SLC29A3: variants seen among roughly 807,000 people sequenced by gnomAD.
The protein encoded by SLC29A3 is solute carrier family 29 member 3, also known as equilibrative nucleoside transporter 3.
In SLC29A3, 18 loss-of-function variants were observed where a neutral mutation model predicts 25.4. The ratio of observed to expected loss-of-function variants is 0.71; its 90% CI spans 0.49 to 1.05. The LOEUF is 1.05. Ranked by LOEUF, SLC29A3 falls within the 50% of genes least tolerant of loss-of-function variation. The pLI, the probability that SLC29A3 is intolerant of heterozygous loss-of-function variation, is 0.00. For missense variants in SLC29A3, 586 were observed against 609.0 expected, an observed-to-expected ratio of 0.96 and a Z score of 0.40; for synonymous variants, 258 against 267.1, an observed-to-expected ratio of 0.97 and a Z score of 0.33.
At position 71,362,397 on chromosome 10, in the gene SLC29A3, CTG is replaced by C. The variant is rs1228555260; in HGVS notation, c.1220_1221del (p.Val407GlyfsTer32). The C allele has an allele frequency of 6.2e-7, 1 of 1,614,198 alleles. No homozygotes were observed. Among genetic ancestry groups the C allele is most frequent in the Non-Finnish European group, 8.5e-7 (1 of 1,180,040 alleles). ...TACCAGCCCCGCGTCCACCTGAAGA[CTG>C]TGGTCTTCCAGTCCGATGTGTACCC... On this transcript the variant is annotated frameshift_variant, in exon 6 of 6. Coordinates refer to ENST00000373189, the MANE Select transcript of SLC29A3 (RefSeq NM_018344.6). LOFTEE classifies it high-confidence loss of function.
At chr10:71,324,410 T>TG (rs1845920296) in intron 2 of SLC29A3, among the ~76,000 whole-genome samples, 2 of 152,248 alleles carry the variant, frequency 1.3e-5, no homozygotes, top group South Asian at 4.2e-4. Flanking sequence ...TTTTGGTATA[T>TG]GGGGGGATCC....
chr10:71,338,620 G>C (rs1352067078), intron 2 of SLC29A3, among the ~76,000 whole-genome samples: 2 of 152,104 alleles, frequency 1.3e-5, no homozygotes, highest in African/African-American at 4.8e-5. Flanking sequence ...AGCTGCGTGT[G>C]GTATTGTACG....
At chr10:71,334,657 A>G (rs1345226009) in intron 2 of SLC29A3, among the ~76,000 whole-genome samples, 2 of 152,198 alleles carry the variant, frequency 1.3e-5, no homozygotes, top group Admixed American at 1.3e-4. Context: ...GAGAGGAGAC[A>G]GGGACAGGAG....
rs1847081573 is a variant in SLC29A3 at position 71,362,272 on chromosome 10, G to C, written c.1092G>C (p.Gln364His). ...LYNFADLCGR[Q>H]LTAWIQVPGP... is the part of the protein sequence containing the mutation. ...ACTTTGCTGACCTATGTGGCCGGCA[G>C]CTCACCGCCTGGATCCAGGTGCCAG... The change falls in exon 6 of 6, where the codon CAG becomes CAC. Residue 364 changes from glutamine (Q) to histidine (H), a missense_variant. Transcript: ENST00000373189. 1 of 1,614,168 alleles carries C rather than the reference G, an allele frequency of 6.2e-7. No homozygotes were observed. Among genetic ancestry groups the C allele is most frequent in the Non-Finnish European group, 8.5e-7 (1 of 1,180,036 alleles).
chr10:71,374,696 C>G (rs1330263552), intron 3 of SLC29A3, among the ~76,000 whole-genome samples: 1 of 152,240 alleles, frequency 6.6e-6, no homozygotes, highest in Non-Finnish European at 1.5e-5. Context: ...AGCGACTTCA[C>G]CACTTTGAGT....
chr10:71,363,953 C>T (rs970730701), downstream of SLC29A3, among the ~76,000 whole-genome samples: 4 of 151,826 alleles, frequency 2.6e-5, no homozygotes, highest in African/African-American at 9.7e-5. Flanking sequence ...TATCTAAAAA[C>T]TAGTAATAGG....
At chr10:71,324,924 C>T (rs906538026) in intron 2 of SLC29A3, among the ~76,000 whole-genome samples, 25 of 152,164 alleles carry the variant, frequency 1.6e-4, no homozygotes, top group East Asian at 7.7e-4. Context: ...AGGAGCCTGA[C>T]GAAAGTTAGG....
intron 3 of SLC29A3, among the ~76,000 whole-genome samples, chr10:71,349,089 T>C (rs1045209504): frequency 6.6e-6 from 1 of 152,020 alleles, no homozygotes; most frequent in African/African-American, 2.4e-5. Flanking sequence ...CCCAGGTAAG[T>C]AACACCACTC....
At chr10:71,343,843 C>T (rs1846482775) in intron 2 of SLC29A3, among the ~76,000 whole-genome samples, 1 of 152,150 alleles carries the variant, frequency 6.6e-6, no homozygotes, top group East Asian at 1.9e-4. Context: ...GCCAAGAAGG[C>T]TGATAGGTCA....
chr10:71,367,198 G>A (rs758642408), downstream of SLC29A3, among the ~76,000 whole-genome samples: 3 of 64,282 alleles, frequency 4.7e-5, no homozygotes, highest in Non-Finnish European at 1.6e-4. Context: ...GGGGCCAGCC[G>A]TGGTGATGGT....
intron 2 of SLC29A3, among the ~76,000 whole-genome samples, chr10:71,325,909 T>A (rs973909771): frequency 1.4e-5 from 2 of 145,432 alleles, no homozygotes; most frequent in Non-Finnish European, 3.0e-5. Flanking sequence ...CTGGACTATA[T>A]TAGTACTTTT....
intron 2 of SLC29A3, among the ~76,000 whole-genome samples, chr10:71,335,028 A>G (rs1423304383): frequency 6.7e-6 from 1 of 148,608 alleles, no homozygotes; most frequent in East Asian, 2.0e-4. Context: ...TTGAGCACAT[A>G]CAAGCTGCTT....
Position 71,362,709 on chromosome 10 carries a change from G to T in SLC29A3, c.*101G>T, listed in dbSNP as rs576396580. The T allele has an allele frequency of 1.8e-4, 271 of 1,514,376 alleles. 2 individuals are homozygous for T. The African/African-American group carries it at 2.3e-3, about 13-fold the overall frequency. 93.8% of individuals were successfully genotyped at this position (1,514,376 alleles called of 1,614,324 possible). On this transcript the variant is annotated 3_prime_UTR_variant, in exon 6 of 6. Transcript: ENST00000373189. ...GGAGGAAAGGCCTAAAGTTTCACTT[G>T]GGGACAGAGAGCAGAGCACACTCGG...
rs1846450320 is a variant in SLC29A3 at position 71,342,917 on chromosome 10, G to T, written c.301-1292G>T. Among the ~76,000 whole-genome samples, 4 of 152,352 alleles carry T rather than the reference G, an allele frequency of 2.6e-5. No individual in the cohort carries two copies. In the South Asian group the frequency reaches 6.2e-4, roughly 24 times the overall value. On this transcript the variant is annotated intron_variant, in intron 2 of 5. Transcript: ENST00000373189. ...GATTTCAAAGACCACAAAGCACTCT[G>T]CAGGCTTCAAAGGGAACTATGGAAG...
chr10:71,322,072 A>G (rs531164845), intron 1 of SLC29A3, among the ~76,000 whole-genome samples: 2 of 152,312 alleles, frequency 1.3e-5, no homozygotes, highest in East Asian at 3.9e-4. Flanking sequence ...AACCGGTAAT[A>G]AACTAGTCAC....
intron 3 of SLC29A3, among the ~76,000 whole-genome samples, chr10:71,344,560 G>A (rs1284916258): frequency 2.0e-5 from 3 of 152,206 alleles, no homozygotes; most frequent in East Asian, 3.9e-4. Context: ...TGGGGATGCA[G>A]GGGTCTTCCT....
In SLC29A3 at chr10:71,351,684, T is replaced by C. The variant is rs139333654; in HGVS notation, c.506T>C (p.Ile169Thr). ...ACCCGTGGCTTTTTTGCGGTCACCA[T>C]TGTCTGCATGGTGATCCTCAGCGGT... ...SWTRGFFAVT[I>T]VCMVILSGAS... The change falls in exon 4 of 6, where the codon ATT (isoleucine) becomes ACT (threonine). Residue 169 changes from isoleucine (I) to threonine (T), a missense_variant. Coordinates refer to ENST00000373189, the MANE Select transcript of SLC29A3 (RefSeq NM_018344.6). 51 of 1,614,132 alleles carry C rather than the reference T, an allele frequency of 3.2e-5. No homozygotes were observed. The African/African-American group carries it at 6.0e-4, about 19-fold the overall frequency.
chr10:71,362,153 G>T lies in SLC29A3; in HGVS notation c.973G>T (p.Ala325Ser), dbSNP rs144183340. ...CTTCATCACCAGCCTCATCTACCCC[G>T]CCATCTGCACCAACATCGAGTCCCT... ...VFFITSLIYP[A>S]ICTNIESLNK... Residue 325 changes from alanine to serine, a missense_variant, in exon 6 of 6, where the codon GCC becomes TCC. Transcript: ENST00000373189. 1.2e-6 allele frequency: 2 copies of T among 1,613,790 alleles called. No individual in the cohort carries two copies. The highest frequency in any genetic ancestry group is 2.2e-5 in the East Asian group (1 of 44,880).
intron 2 of SLC29A3, among the ~76,000 whole-genome samples, chr10:71,343,163 G>A (rs1846458741): frequency 6.6e-6 from 1 of 152,170 alleles, no homozygotes; most frequent in Admixed American, 6.5e-5. Flanking sequence ...TGTAGAGACA[G>A]AGTCTCACTA....
Sources: allele counts gnomAD v4.1 joint callset (sites outside exome capture counted in the v4.1 genomes callset), GRCh38; gene constraint gnomAD v4.1.1; transcripts MANE v1.5; gene names NCBI Gene and HGNC (gene_info 2026-07-23, HGNC 2026-07-21).